The following P2RX5 variants were observed in gnomAD, a reference collection of about 807,000 sequenced individuals.
The protein encoded by P2RX5 is P2X purinoceptor 5.
Under a neutral mutation model 54.1 loss-of-function variants are expected in P2RX5, and 46 were observed. That is an observed-to-expected ratio of 0.85 (90% CI 0.67 to 1.09). The LOEUF (loss-of-function observed/expected upper bound fraction) is 1.09, where lower values mean the gene tolerates loss of function less well. P2RX5 is among the 50% of genes least tolerant of loss of function. The pLI is 0.00. For missense variants in P2RX5, 566 were observed against 549.8 expected (o/e 1.03, Z -0.29); for synonymous variants, 226 against 226.4 (o/e 1.00, Z 0.02).
chr17:3,689,922 A>G (rs1396384520), intron 6 of P2RX5, 148 bp downstream of exon 6: 1 of 845,886 alleles, frequency 1.2e-6, no homozygotes, highest in Non-Finnish European at 2.0e-6. Flanking sequence ...AGACACATGC[A>G]CGCGCACACA....
the P2RX5 span, chr17:3,718,189 T>C: frequency 1.4e-5 from 2 of 142,204 alleles, no homozygotes; most frequent in African/African-American, 6.3e-5. Context: ...ACACAGCTAT[T>C]CTCCTTTGCC....
At chr17:3,713,657 G>C in the P2RX5 span, among the ~76,000 whole-genome samples, 4 of 151,842 alleles carry the variant, frequency 2.6e-5, no homozygotes, top group Admixed American at 1.3e-4. Context: ...GGCTGAGGCA[G>C]GAGAATCGCT....
chr17:3,676,963 G>A (rs1458183542), intron 11 of P2RX5: 1 of 435,610 alleles, frequency 2.3e-6, no homozygotes, highest in African/African-American at 2.1e-5. Context: ...TTAGGAGGCT[G>A]AGACAGGAGA....
At chr17:3,690,914 G>A in intron 3 of P2RX5, 42 bp downstream of exon 3, 1 of 1,553,252 alleles carries the variant, frequency 6.4e-7, no homozygotes, top group Non-Finnish European at 8.8e-7. Context: ...CACTGCCGGT[G>A]GCTCTCCCAC....
At chr17:3,689,894 GCACGCACA>G (rs1358489035) in intron 6 of P2RX5, among the ~76,000 whole-genome samples, 168 bp downstream of exon 6, 2 of 148,644 alleles carry the variant, frequency 1.3e-5, no homozygotes, top group Non-Finnish European at 1.5e-5. Flanking sequence ...ACACACAAAC[GCACGCACA>G]CATGCACACA....
intron 9 of P2RX5, chr17:3,682,217 C>T (rs112264745): frequency 1.8e-6 from 1 of 551,726 alleles, no homozygotes. Flanking sequence ...CACTCCCCGA[C>T]CCCGCACCAC....
chr17:3,688,219 G>A, intron 8 of P2RX5, 114 bp from the exon 9 acceptor site: 3 of 708,932 alleles, frequency 4.2e-6, no homozygotes, highest in Non-Finnish European at 7.7e-6. Flanking sequence ...CTGACTCTCA[G>A]CAGCCCCAGG....
chr17:3,688,938 G>A (rs1317887493), intron 7 of P2RX5, among the ~76,000 whole-genome samples, 179 bp from the exon 8 acceptor site: 3 of 152,190 alleles, frequency 2.0e-5, no homozygotes, highest in Non-Finnish European at 4.4e-5. Context: ...ACACTGCGTC[G>A]TCCCTGCCTC....
intron 9 of P2RX5, among the ~76,000 whole-genome samples, chr17:3,685,311 C>T (rs946094166): frequency 4.6e-5 from 7 of 152,206 alleles, no homozygotes; most frequent in Admixed American, 2.0e-4. Context: ...GAAAGAGACT[C>T]GGGCTGTCAC....
intron 11 of P2RX5, 71 bp from the exon 12 acceptor site, chr17:3,673,948 C>G: frequency 2.2e-6 from 3 of 1,389,138 alleles, no homozygotes; most frequent in Non-Finnish European, 3.0e-6. Context: ...GCAACCAGTG[C>G]CCAGGGAGAA....
upstream of P2RX5, among the ~76,000 whole-genome samples, chr17:3,698,636 TG>T (rs977690988): frequency 2.7e-4 from 41 of 152,198 alleles, no homozygotes; most frequent in Non-Finnish European, 1.2e-4. Flanking sequence ...CTGTCTTAAC[TG>T]CCACTGTGGC....
chr17:3,690,364 A>G, intron 5 of P2RX5, 63 bp downstream of exon 5: 1 of 1,350,582 alleles, frequency 7.4e-7, no homozygotes, highest in Non-Finnish European at 1.0e-6. Context: ...CTCCACCCTC[A>G]GGCTGGGACC....
At chr17:3,695,564 C>T (rs1485588315) in intron 1 of P2RX5, among the ~76,000 whole-genome samples, 1 of 152,146 alleles carries the variant, frequency 6.6e-6, no homozygotes, top group African/African-American at 2.4e-5. Flanking sequence ...GGCCCTAACA[C>T]GTGGGGACCC....
chr17:3,711,858 C>G, the P2RX5 span, among the ~76,000 whole-genome samples: 9 of 152,214 alleles, frequency 5.9e-5, no homozygotes, highest in African/African-American at 2.2e-4. Context: ...CAGACCTTGG[C>G]CCAAGCCATA....
chr17:3,688,497 G>A, intron 8 of P2RX5, 129 bp downstream of exon 8: 1 of 1,001,226 alleles, frequency 1.0e-6, no homozygotes, highest in Non-Finnish European at 1.6e-6. Context: ...ACCTCTCCTG[G>A]GCCATCTGTC....
At chr17:3,685,642 C>G (rs1333420801) in intron 9 of P2RX5, 1 of 92,032 alleles carries the variant, frequency 1.1e-5, no homozygotes, top group Admixed American at 1.3e-4. Context: ...CCCAGGGACC[C>G]TCCCAGCGTC....
At chr17:3,704,920 C>T in the P2RX5 span, among the ~76,000 whole-genome samples, 1 of 152,124 alleles carries the variant, frequency 6.6e-6, no homozygotes, top group Non-Finnish European at 1.5e-5. Context: ...GCAGGAGAAT[C>T]GCTTGAACCT....
At position 3,690,958 on chromosome 17, in the gene P2RX5, C is replaced by A; in HGVS notation, c.358G>T (p.Glu120Ter). The A allele has an allele frequency of 6.2e-7, 1 of 1,607,442 alleles. No homozygotes were observed. The highest frequency in any genetic ancestry group is 8.5e-7 in the Non-Finnish European group (1 of 1,177,426). Residue 120 changes from glutamate (E) to a stop codon, truncating the protein, a stop_gained and splice_region_variant, in exon 3 of 12, where the codon GAG (glutamate) becomes TAG (stop). Coordinates refer to ENST00000225328, the MANE Select transcript of P2RX5 (RefSeq NM_002561.4). LOFTEE classifies it high-confidence loss of function. The stretch of plus-strand genomic sequence containing the variant: ...CAGGGCCCCTCGCCAAATCAAACCT[C>A]AGCACAGACGTTCTGCCGCTGGTTG... Reference protein sequence around the residue: ...TPNQRQNVCAENEGIPDGACS... With the variant: ...TPNQRQNVCA
the P2RX5 span, among the ~76,000 whole-genome samples, chr17:3,704,060 C>T: frequency 6.6e-6 from 1 of 152,070 alleles, no homozygotes. Context: ...TGAGATGACG[C>T]CATTGCACTC....
Sources: allele counts gnomAD v4.1 joint callset (sites outside exome capture counted in the v4.1 genomes callset), GRCh38; gene constraint gnomAD v4.1.1; transcripts MANE v1.5; gene names NCBI Gene and HGNC (gene_info 2026-07-23, HGNC 2026-07-21).